The following NOL11 variants were observed in gnomAD, a reference collection of about 807,000 sequenced individuals.
NOL11 encodes nucleolar protein 11.
Under a neutral mutation model 93.0 loss-of-function variants are expected in NOL11, and 42 were observed. The ratio of observed to expected loss-of-function variants is 0.45; its 90% CI spans 0.35 to 0.58. NOL11 has a LOEUF of 0.58. NOL11 is among the 20% of genes least tolerant of loss of function. The probability of loss-of-function intolerance (pLI) is 0.00; values close to 1 mark genes in which losing one functional copy is unlikely to be tolerated. For synonymous variants in NOL11, 296 were observed against 293.7 expected (o/e 1.01, Z -0.08); for missense variants, 775 against 841.8 (o/e 0.92, Z 0.98).
At chr17:67,730,687 G>A (rs2055146457) in intron 7 of NOL11, among the ~76,000 whole-genome samples, 1 of 152,094 alleles carries the variant, frequency 6.6e-6, no homozygotes, top group Non-Finnish European at 1.5e-5. Context: ...TGTATTTAAG[G>A]GGCACATGAG....
intron 6 of NOL11, among the ~76,000 whole-genome samples, chr17:67,725,850 C>T (rs777362802): frequency 9.9e-5 from 15 of 152,110 alleles, no homozygotes; most frequent in Non-Finnish European, 1.9e-4. Context: ...GAGACCAAGG[C>T]AGGAGGATCA....
intron 16 of NOL11, 46 bp from the exon 17 acceptor site, chr17:67,743,433 G>T: frequency 1.2e-6 from 1 of 834,814 alleles, no homozygotes; most frequent in South Asian, 1.6e-5. Context: ...GAATTAACCT[G>T]AAGTTAAATT....
intron 7 of NOL11, among the ~76,000 whole-genome samples, chr17:67,732,763 AG>A (rs772905715): frequency 2.6e-5 from 4 of 151,204 alleles, no homozygotes; most frequent in South Asian, 2.1e-4. Context: ...TAGTAAAGAC[AG>A]GGTTTCACTG....
rs1280556151 is a variant in NOL11, at chr17:67,736,653, T to G, written c.1055-13T>G. Reference sequence around the variant, plus strand: ...AAAACATTCCAGAAATTGTGCATTTTGCATTTTCTTAGGAACTCATGTCGT... The same window carrying G: ...AAAACATTCCAGAAATTGTGCATTTGGCATTTTCTTAGGAACTCATGTCGT... On this transcript the variant is annotated splice_polypyrimidine_tract_variant and intron_variant, in intron 9 of 17. Transcript: ENST00000253247. The G allele has an allele frequency of 6.4e-7, 1 of 1,563,412 alleles. No homozygotes were observed.
In NOL11 at chr17:67,737,193, A is replaced by G. The variant is rs1567804596; in HGVS notation, c.1218+48A>G. 3.6e-6 allele frequency: 4 copies of G among 1,109,780 alleles called. No homozygotes were observed. The South Asian group carries it at 5.0e-5, about 14-fold the overall frequency. The allele number at this position is 1,109,780 out of a possible 1,614,324, so 68.7% of individuals were successfully genotyped here. Reference sequence around the variant, plus strand: ...TGAAAAATCAAACTCAAGTGTTCCAAAGAAATCGCATCTACTCTTCGTTCT... The same window carrying G: ...TGAAAAATCAAACTCAAGTGTTCCAGAGAAATCGCATCTACTCTTCGTTCT... On this transcript the variant is annotated intron_variant, in intron 11 of 17. Transcript: ENST00000253247.
intron 5 of NOL11, among the ~76,000 whole-genome samples, chr17:67,723,370 A>ATTTTTTTTTTT (rs568396700): frequency 6.6e-5 from 4 of 60,776 alleles, no homozygotes; most frequent in Non-Finnish European, 8.8e-5. Flanking sequence ...AAGATCTCTA[A>ATTTTTTTTTTT]TTTTTTTTTT....
chr17:67,718,233 AG>A, intron 1 of NOL11, 145 bp downstream of exon 1: 2 of 1,107,762 alleles, frequency 1.8e-6, no homozygotes, highest in Non-Finnish European at 2.5e-6. Flanking sequence ...GGGGACGCTG[AG>A]TGAGGTCTGG....
At chr17:67,738,690 AAAG>A (rs1316758646) in intron 14 of NOL11, 34 of 438,646 alleles carry the variant, frequency 7.8e-5, no homozygotes, top group East Asian at 2.2e-4. Context: ...AAAAAAAAAA[AAAG>A]AAGAAGCTAT....
At chr17:67,723,382 T>A (rs1389175571) in intron 5 of NOL11, among the ~76,000 whole-genome samples, 4 of 88,648 alleles carry the variant, frequency 4.5e-5, no homozygotes, top group Non-Finnish European at 6.1e-5. Flanking sequence ...TTTTTTTTTT[T>A]TTTTTTTTTT....
At position 67,721,384 on chromosome 17, in the gene NOL11, G is replaced by A; in HGVS notation, c.319G>A (p.Ala107Thr). The A allele has an allele frequency of 6.5e-7, 1 of 1,539,620 alleles. No individual in the cohort carries two copies. The highest frequency in any genetic ancestry group is 1.3e-5 in the South Asian group (1 of 76,394). Reference sequence around the variant, plus strand: ...ATTTTTTATGTTCTTCCAGTTGTCAGCAGAAGTATATAGGATACTTTCAGT... The same window carrying A: ...ATTTTTTATGTTCTTCCAGTTGTCAACAGAAGTATATAGGATACTTTCAGT... ...LDKVFKATLS[A>T]EVYRILSVQG... The change falls in exon 4 of 18, where the codon GCA becomes ACA. Residue 107 changes from alanine to threonine, a missense_variant. Ala to Thr is a moderately conservative substitution (Grantham distance 58). Coordinates refer to ENST00000253247, the MANE Select transcript of NOL11 (RefSeq NM_015462.5).
chr17:67,729,227 T>G (rs1404234284), intron 7 of NOL11, among the ~76,000 whole-genome samples: 1 of 152,064 alleles, frequency 6.6e-6, no homozygotes, highest in Non-Finnish European at 1.5e-5. Context: ...CCCAAGTAAC[T>G]GGGATTACAG....
chr17:67,721,099 C>G (rs530417794), intron 3 of NOL11, among the ~76,000 whole-genome samples: 2 of 152,264 alleles, frequency 1.3e-5, no homozygotes, highest in South Asian at 2.1e-4. Flanking sequence ...TTTTAAGAAA[C>G]CCAGGTTTTA....
chr17:67,722,492 T>C, intron 4 of NOL11, 88 bp from the exon 5 acceptor site: 1 of 1,482,034 alleles, frequency 6.7e-7, no homozygotes, highest in Admixed American at 3.0e-5. Flanking sequence ...AAATATTTAA[T>C]GAAAACTTTG....
At position 67,719,737 on chromosome 17, in the gene NOL11, G is replaced by A; in HGVS notation, c.205G>A (p.Ala69Thr). The A allele has an allele frequency of 6.2e-7, 1 of 1,610,860 alleles. No individual in the cohort carries two copies. The highest frequency in any genetic ancestry group is 8.5e-7 in the Non-Finnish European group (1 of 1,179,052). The change falls in exon 2 of 18, where the codon GCT (alanine) becomes ACT (threonine). Residue 69 changes from alanine (A) to threonine (T), a missense_variant. Around this residue, in one of 2 missense-constraint regions of NOL11, gnomAD observed 359 missense variants for 316.5 expected, o/e 1.13. Transcript: ENST00000253247. Reference sequence around the variant, plus strand: ...ACAAGGTCAAATTATAACATGTCCAGCTGTGTGCAACTTTCAAACTGGAGA... The same window carrying A: ...ACAAGGTCAAATTATAACATGTCCAACTGTGTGCAACTTTCAAACTGGAGA... ...VKQGQIITCP[A>T]VCNFQTGEYV...
intron 7 of NOL11, among the ~76,000 whole-genome samples, chr17:67,730,421 C>T (rs1019810112): frequency 2.2e-4 from 34 of 152,114 alleles, no homozygotes; most frequent in South Asian, 6.2e-4. Flanking sequence ...CCACCACACC[C>T]GGCTAATTTT....
At position 67,726,524 on chromosome 17, in the gene NOL11, G is replaced by A. The variant is rs774774222; in HGVS notation, c.729G>A (p.Gln243=). ...GTCCAGCTGACCCAGAAAAAAATCA[G>A]AGCTTAGTTAAATCACTGCTGCTCA... ...PIRPADPEKN[Q]SLVKSLLLKA... Residue 243 remains glutamine, a synonymous_variant, in exon 7 of 18, where the codon CAG becomes CAA. Coordinates refer to ENST00000253247, the MANE Select transcript of NOL11 (RefSeq NM_015462.5). The A allele has an allele frequency of 2.5e-6, 4 of 1,613,950 alleles. No homozygotes were observed. In the African/African-American group the frequency reaches 5.3e-5, roughly 22 times the overall value.
At chr17:67,725,965 C>T (rs904991159) in intron 6 of NOL11, among the ~76,000 whole-genome samples, 1 of 151,892 alleles carries the variant, frequency 6.6e-6, no homozygotes, top group Non-Finnish European at 1.5e-5. Flanking sequence ...ACCTGTAGTC[C>T]CCGCTATTTG....
At chr17:67,728,077 G>A (rs1290111287) in intron 7 of NOL11, among the ~76,000 whole-genome samples, 6 of 152,064 alleles carry the variant, frequency 3.9e-5, no homozygotes, top group African/African-American at 9.7e-5. Context: ...TGGCTAACAT[G>A]GTGAAACCCC....
intron 7 of NOL11, among the ~76,000 whole-genome samples, chr17:67,732,667 G>A (rs1003331556): frequency 5.9e-5 from 9 of 151,482 alleles, no homozygotes; most frequent in South Asian, 2.1e-4. Flanking sequence ...TCTGCCTCCC[G>A]CGTTCAAGCA....
Sources: gnomAD v4.1 joint callset for allele counts (sites outside exome capture counted in the v4.1 genomes callset) on GRCh38, gnomAD v4.1.1 for gene constraint, gnomAD v4.1.1 regional missense constraint, MANE v1.5 for transcripts, NCBI Gene and HGNC (gene_info 2026-07-23, HGNC 2026-07-21) for gene names.